The following UHRF2 variants were observed in gnomAD, a reference collection of about 807,000 sequenced individuals.
The protein encoded by UHRF2 is E3 ubiquitin-protein ligase UHRF2.
In UHRF2, 23 loss-of-function variants were observed where a neutral mutation model predicts 96.8. The ratio of observed to expected loss-of-function variants is 0.24; its 90% CI spans 0.17 to 0.34. The LOEUF (loss-of-function observed/expected upper bound fraction) is 0.34. Among genes scored for constraint, UHRF2 ranks in the 10% least tolerant of loss-of-function variants. The probability of loss-of-function intolerance (pLI) is 1.00; values close to 1 mark genes in which losing one functional copy is unlikely to be tolerated. For missense variants in UHRF2, 685 were observed against 981.5 expected (o/e 0.70, Z 4.04); for synonymous variants, 385 against 332.6 (o/e 1.16, Z -1.72).
At chr9:6,416,715 A>AT (rs1346883889) in intron 1 of UHRF2, among the ~76,000 whole-genome samples, 2 of 150,500 alleles carry the variant, frequency 1.3e-5, no homozygotes, top group East Asian at 4.0e-4. Flanking sequence ...GATTTTTTGT[A>AT]TTTTTAGTAG....
intron 6 of UHRF2, among the ~76,000 whole-genome samples, chr9:6,479,655 C>G (rs914627034): frequency 1.3e-5 from 2 of 152,148 alleles, no homozygotes; most frequent in African/African-American, 4.8e-5. Context: ...ACTGGGACCA[C>G]AAAATTAGTC....
intron 11 of UHRF2, 139 bp from the exon 12 acceptor site, chr9:6,497,879 C>A (rs1198149030): frequency 5.7e-6 from 6 of 1,059,782 alleles, no homozygotes; most frequent in African/African-American, 1.6e-5. Context: ...AGTGAATATT[C>A]TTGACTTACT....
intron 3 of UHRF2, among the ~76,000 whole-genome samples, chr9:6,437,883 A>G (rs896172087): frequency 1.3e-5 from 2 of 152,108 alleles, no homozygotes; most frequent in East Asian, 3.9e-4. Context: ...AGAGTGCGAG[A>G]TTACAGGTGT....
intron 2 of UHRF2, among the ~76,000 whole-genome samples, chr9:6,423,344 C>G (rs1820045470): frequency 6.6e-6 from 1 of 152,086 alleles, no homozygotes; most frequent in Non-Finnish European, 1.5e-5. Context: ...GAGTTTAATA[C>G]TGATACTAAA....
chr9:6,429,590 C>T (rs768081770), intron 2 of UHRF2, among the ~76,000 whole-genome samples: 2 of 152,006 alleles, frequency 1.3e-5, no homozygotes, highest in Non-Finnish European at 2.9e-5. Context: ...CTCGGCCTCC[C>T]GAAGTGCTGG....
At chr9:6,466,126 C>T (rs1338368056) in intron 4 of UHRF2, among the ~76,000 whole-genome samples, 4 of 152,158 alleles carry the variant, frequency 2.6e-5, no homozygotes, top group Non-Finnish European at 5.9e-5. Context: ...AAAGGCCGAG[C>T]ATGGTGGCTT....
chr9:6,419,974 C>G (rs1395768146), intron 1 of UHRF2, among the ~76,000 whole-genome samples: 1 of 151,810 alleles, frequency 6.6e-6, no homozygotes, highest in Non-Finnish European at 1.5e-5. Context: ...GTCTGGAGCT[C>G]CTGGGCTCAA....
At chr9:6,445,650 T>C (rs565965648) in intron 3 of UHRF2, among the ~76,000 whole-genome samples, 11 of 152,106 alleles carry the variant, frequency 7.2e-5, no homozygotes, top group Non-Finnish European at 1.2e-4. Context: ...CTTGACCTCC[T>C]GGGTTCAAGT....
chr9:6,500,419 AG>A, intron 13 of UHRF2, 132 bp from the exon 14 acceptor site: 1 of 710,784 alleles, frequency 1.4e-6, no homozygotes, highest in Non-Finnish European at 2.2e-6. Flanking sequence ...CCTAAATTTT[AG>A]GGGAAATTAG....
chr9:6,452,703 A>C (rs1821946428), intron 3 of UHRF2, among the ~76,000 whole-genome samples: 1 of 152,206 alleles, frequency 6.6e-6, no homozygotes, highest in South Asian at 2.1e-4. Context: ...CACTTCTAAG[A>C]GCATGAAGGG....
At chr9:6,418,887 C>T (rs893100034) in intron 1 of UHRF2, among the ~76,000 whole-genome samples, 9 of 152,172 alleles carry the variant, frequency 5.9e-5, no homozygotes, top group African/African-American at 2.2e-4. Context: ...GCAGGGCCGT[C>T]CTCTGATAGC....
At chr9:6,421,926 A>G (rs1258764413) in intron 2 of UHRF2, among the ~76,000 whole-genome samples, 2 of 152,170 alleles carry the variant, frequency 1.3e-5, no homozygotes, top group East Asian at 3.9e-4. Flanking sequence ...TTCTCTGCAT[A>G]TAGCTGTGTT....
intron 14 of UHRF2, 160 bp from the exon 15 acceptor site, chr9:6,504,433 A>G: frequency 1.9e-6 from 1 of 525,398 alleles, no homozygotes; most frequent in Non-Finnish European, 3.4e-6. Context: ...AACATATAAT[A>G]AATCAGGGTA....
intron 3 of UHRF2, among the ~76,000 whole-genome samples, chr9:6,439,857 T>C (rs773232775): frequency 2.4e-4 from 37 of 151,970 alleles, no homozygotes; most frequent in Middle Eastern, 3.2e-3. Flanking sequence ...CTCTTGTTTC[T>C]AGTGGTATTT....
At chr9:6,466,570 AAAG>A (rs1822873824) in intron 4 of UHRF2, among the ~76,000 whole-genome samples, 2 of 149,984 alleles carry the variant, frequency 1.3e-5, no homozygotes, top group African/African-American at 2.5e-5. Context: ...AAAAAAAAAA[AAAG>A]CTACAGATGC....
At position 6,451,773 on chromosome 9, in the gene UHRF2, T is replaced by TTTGTTGTTGTTGTTGTTG. The variant is rs1168664809; in HGVS notation, c.645-8791_645-8774dup. ...GGCGTGAGCCACCGCGCCCGGCCTG[T>TTTGTTGTTGTTGTTGTTG]TTGTTGTTGTTGTTGTTGTTGTTGT... On this transcript the variant is annotated intron_variant, in intron 3 of 15. Coordinates refer to ENST00000276893, the MANE Select transcript of UHRF2 (RefSeq NM_152896.3). Among the ~76,000 whole-genome samples the TTTGTTGTTGTTGTTGTTG allele has an allele frequency of 4.1e-3, 607 of 148,916 alleles. 5 individuals are homozygous for TTTGTTGTTGTTGTTGTTG. Among genetic ancestry groups the TTTGTTGTTGTTGTTGTTG allele is most frequent in the Middle Eastern group, 0.01 (3 of 292 alleles).
At chr9:6,460,523 CT>C (rs775953881) in intron 3 of UHRF2, 49 bp from the exon 4 acceptor site, 2 of 1,484,676 alleles carry the variant, frequency 1.3e-6, no homozygotes, top group African/African-American at 1.4e-5. Flanking sequence ...TTGCATAAAA[CT>C]TTAGTTGTCT....
chr9:6,475,463 A>G lies in UHRF2; in HGVS notation c.936A>G (p.Gly312=). The G allele has an allele frequency of 6.3e-7, 1 of 1,597,906 alleles. No homozygotes were observed. The highest frequency in any genetic ancestry group is 8.5e-7 in the Non-Finnish European group (1 of 1,171,624). The change falls in exon 5 of 16, where the codon GGA becomes GGG. Residue 312 remains glycine (G), a synonymous_variant. Transcript: ENST00000276893. ...AAATCTTCAAGATTGAGAGACCTGG[A>G]GCCCATCCCCTTTCATTTGCAGATG... is the stretch of plus-strand genomic sequence containing the variant. The part of the protein sequence containing the change: ...VDEIFKIERP[G]AHPLSFADGK...
chr9:6,489,648 G>A (rs899711727), intron 9 of UHRF2, among the ~76,000 whole-genome samples: 11 of 150,024 alleles, frequency 7.3e-5, no homozygotes, highest in Admixed American at 2.0e-4. Context: ...GACGTGATTC[G>A]TTTGCTTATT....
Sources: gnomAD v4.1 joint callset for allele counts (sites outside exome capture counted in the v4.1 genomes callset) on GRCh38, gnomAD v4.1.1 for gene constraint, MANE v1.5 for transcripts, NCBI Gene and HGNC (gene_info 2026-07-23, HGNC 2026-07-21) for gene names.